Variants in RPSA2 observed in about 807,000 individuals in gnomAD.
The protein encoded by RPSA2 is ribosomal protein SA 2.
chr19:23,849,985 A>T, the RPSA2 span, among the ~76,000 whole-genome samples: 2 of 152,082 alleles, frequency 1.3e-5, no homozygotes, highest in Non-Finnish European at 2.9e-5. Context: ...CTTGTAGTTA[A>T]TCTCTCCGGA....
At chr19:23,833,808 A>G in the RPSA2 span, among the ~76,000 whole-genome samples, 1 of 152,214 alleles carries the variant, frequency 6.6e-6, no homozygotes, top group Non-Finnish European at 1.5e-5. Flanking sequence ...CACTACAAAT[A>G]TAAATAGGGT....
At chr19:23,772,624 T>C in the RPSA2 span, among the ~76,000 whole-genome samples, 1 of 152,116 alleles carries the variant, frequency 6.6e-6, no homozygotes, top group Non-Finnish European at 1.5e-5. Context: ...CAAAGAGTGT[T>C]ATCCCAGGGC....
the RPSA2 span, among the ~76,000 whole-genome samples, chr19:23,793,396 T>G: frequency 6.6e-6 from 1 of 151,506 alleles, no homozygotes; most frequent in African/African-American, 2.4e-5. Context: ...GTTTTGCTCT[T>G]GTTTTATTTG....
At chr19:23,857,810 A>C in the RPSA2 span, among the ~76,000 whole-genome samples, 1 of 152,004 alleles carries the variant, frequency 6.6e-6, no homozygotes, top group Non-Finnish European at 1.5e-5. Context: ...TTAAAGTCTT[A>C]TAAAGTCATT....
At chr19:23,824,349 T>G in the RPSA2 span, among the ~76,000 whole-genome samples, 1 of 121,260 alleles carries the variant, frequency 8.2e-6, no homozygotes, top group Non-Finnish European at 1.7e-5. Context: ...CCTTGTCATG[T>G]TGCCCAGAAC....
the RPSA2 span, among the ~76,000 whole-genome samples, chr19:23,801,190 AAAAAC>A: frequency 1.3e-4 from 20 of 152,320 alleles, no homozygotes; most frequent in African/African-American, 3.8e-4. Context: ...CTAGAAATTA[AAAAAC>A]AAAACAAAAC....
At chr19:23,857,918 C>G in the RPSA2 span, among the ~76,000 whole-genome samples, 1 of 151,990 alleles carries the variant, frequency 6.6e-6, no homozygotes, top group Non-Finnish European at 1.5e-5. Flanking sequence ...ATTTCTGCGT[C>G]TTTATACTGA....
chr19:23,761,373 C>T, the RPSA2 span, among the ~76,000 whole-genome samples: 1 of 152,082 alleles, frequency 6.6e-6, no homozygotes, highest in African/African-American at 2.4e-5. Flanking sequence ...AGCCATCAAA[C>T]CCAGCCAACA....
chr19:23,813,253 G>T, the RPSA2 span, among the ~76,000 whole-genome samples: 1 of 141,724 alleles, frequency 7.1e-6, no homozygotes, highest in Non-Finnish European at 1.6e-5. Flanking sequence ...AAAAAAAGTT[G>T]TGTATTTCAG....
At chr19:23,827,761 T>C in the RPSA2 span, 8 of 1,586,612 alleles carry the variant, frequency 5.0e-6, no homozygotes, top group Non-Finnish European at 6.0e-6. Context: ...TCATGCCTGA[T>C]CTGTACTTCT....
chr19:23,841,228 G>A, the RPSA2 span, among the ~76,000 whole-genome samples: 1 of 152,038 alleles, frequency 6.6e-6, no homozygotes, highest in East Asian at 1.9e-4. Context: ...TATTTGGGAG[G>A]CCGAGGCAGG....
At chr19:23,865,558 A>C in the RPSA2 span, among the ~76,000 whole-genome samples, 1 of 152,210 alleles carries the variant, frequency 6.6e-6, no homozygotes, top group African/African-American at 2.4e-5. Flanking sequence ...AAGAATTAAA[A>C]AACTCATTTG....
chr19:23,805,749 T>C, the RPSA2 span, among the ~76,000 whole-genome samples: 3 of 152,178 alleles, frequency 2.0e-5, no homozygotes, highest in African/African-American at 7.2e-5. Flanking sequence ...TGCCATGTGC[T>C]TAGTATGTGC....
At chr19:23,865,172 T>C in the RPSA2 span, among the ~76,000 whole-genome samples, 30 of 152,206 alleles carry the variant, frequency 2.0e-4, no homozygotes, top group Admixed American at 1.4e-3. Context: ...TGGCAGTGGA[T>C]ATAAGGTCAG....
the RPSA2 span, among the ~76,000 whole-genome samples, chr19:23,848,071 G>A: frequency 6.6e-6 from 1 of 151,970 alleles, no homozygotes. Context: ...CAATCAATTT[G>A]TACAGTTAAC....
the RPSA2 span, among the ~76,000 whole-genome samples, chr19:23,830,382 T>C: frequency 1.3e-5 from 2 of 152,162 alleles, no homozygotes; most frequent in African/African-American, 4.8e-5. Flanking sequence ...TGACCTCAGG[T>C]GATCCGTCCA....
At chr19:23,802,913 A>G in the RPSA2 span, among the ~76,000 whole-genome samples, 1 of 152,206 alleles carries the variant, frequency 6.6e-6, no homozygotes, top group Non-Finnish European at 1.5e-5. Context: ...ACCTGAACAT[A>G]TATTTATAAA....
At chr19:23,806,023 CTAT>C in the RPSA2 span, among the ~76,000 whole-genome samples, 3 of 143,792 alleles carry the variant, frequency 2.1e-5, no homozygotes, top group East Asian at 2.1e-4. Flanking sequence ...ATCTATCTAT[CTAT>C]CTATCTATCC....
chr19:23,766,910 T>A, the RPSA2 span, among the ~76,000 whole-genome samples: 10 of 152,014 alleles, frequency 6.6e-5, no homozygotes, highest in African/African-American at 2.4e-4. Context: ...AAGCGCCTGC[T>A]ATCAAGGCCG....
Sources: gnomAD v4.1 joint callset for allele counts (sites outside exome capture counted in the v4.1 genomes callset) on GRCh38, gnomAD v4.1.1 for gene constraint, MANE v1.5 for transcripts, NCBI Gene and HGNC (gene_info 2026-07-23, HGNC 2026-07-21) for gene names.